NFAM1: variants seen among roughly 807,000 people sequenced by gnomAD.
NFAM1 encodes NFAT activating protein with ITAM motif 1.
A neutral mutation model predicts 29.0 loss-of-function variants in NFAM1; 17 were observed. The ratio of observed to expected loss-of-function variants is 0.59; its 90% confidence interval spans 0.40 to 0.88. NFAM1 has a LOEUF of 0.88. NFAM1 is among the 40% of genes least tolerant of loss of function. The pLI, the probability that NFAM1 is intolerant of heterozygous loss-of-function variation, is 0.00. For missense variants in NFAM1, 324 were observed against 344.6 expected (o/e 0.94, Z 0.47); for synonymous variants, 175 against 147.2 (o/e 1.19, Z -1.36).
chr22:42,396,028 C>A (rs975460549), intron 4 of NFAM1, among the ~76,000 whole-genome samples: 1 of 152,124 alleles, frequency 6.6e-6, no homozygotes, highest in African/African-American at 2.4e-5. Context: ...AGTAGGTACA[C>A]AACAAATGGC....
At position 42,385,195 on chromosome 22, in the gene NFAM1, T is replaced by A; in HGVS notation, c.779A>T (p.Asp260Val). Residue 260 changes from aspartate to valine, a missense_variant, in exon 6 of 6, where the codon GAT becomes GTT. Coordinates refer to ENST00000329021, the MANE Select transcript of NFAM1 (RefSeq NM_145912.8). ...TTCATAGACCAGGTTAAGTTCGCCA[T>A]CATCTTCGAATCTATGCGGTCTCTC... ...SQERPHRFED[D>V]GELNLVYENL The A allele has an allele frequency of 6.2e-7, 1 of 1,612,738 alleles. No individual in the cohort carries two copies.
At chr22:42,386,396 A>AACACACACAC (rs59742194) in intron 5 of NFAM1, among the ~76,000 whole-genome samples, 2 of 125,290 alleles carry the variant, frequency 1.6e-5, no homozygotes, top group East Asian at 2.1e-4. Flanking sequence ...AAAACAAACA[A>AACACACACAC]ACACACACAC....
intron 4 of NFAM1, among the ~76,000 whole-genome samples, chr22:42,395,455 G>A (rs1332856069): frequency 6.6e-6 from 1 of 150,744 alleles, no homozygotes. Flanking sequence ...CAGCCTGGGC[G>A]ACAAAAGCAA....
At chr22:42,400,581 C>T (rs5996155) in intron 3 of NFAM1, among the ~76,000 whole-genome samples, 11 of 152,344 alleles carry the variant, frequency 7.2e-5, no homozygotes, top group African/African-American at 2.6e-4. Context: ...TGCACCATTG[C>T]ACTCCAGCCT....
At chr22:42,410,290 C>T (rs1930038543) in intron 2 of NFAM1, 1 of 260,530 alleles carries the variant, frequency 3.8e-6, no homozygotes, top group Non-Finnish European at 7.8e-6. Context: ...CAGGGGATCG[C>T]AGAGGTAGGT....
At chr22:42,433,365 A>G (rs1049045522), upstream of NFAM1, among the ~76,000 whole-genome samples, 1 of 152,124 alleles carries the variant, frequency 6.6e-6, no homozygotes, top group Non-Finnish European at 1.5e-5. Context: ...CCCTTCACTC[A>G]CCAGATAAAT....
rs896219918 is a variant in NFAM1 at position 42,382,446 on chromosome 22, C to T, written c.*2715G>A. 1 of 152,074 alleles carries T rather than the reference C, an allele frequency of 6.6e-6. No homozygotes were observed. The highest frequency in any genetic ancestry group is 2.4e-5 in the African/African-American group (1 of 41,382). The allele number at this position is 152,074 out of a possible 1,614,324, so 9.4% of individuals were successfully genotyped here. On this transcript the variant is annotated 3_prime_UTR_variant, in exon 6 of 6. Transcript: ENST00000329021. The stretch of plus-strand genomic sequence containing the variant: ...GGCTGTGGGAGGTGGAGCAGGGATT[C>T]AAGGGAGGCCCTGAGGCCACCCAGC...
At chr22:42,391,139 G>A (rs1175898398) in intron 4 of NFAM1, among the ~76,000 whole-genome samples, 1 of 152,134 alleles carries the variant, frequency 6.6e-6, no homozygotes, top group Non-Finnish European at 1.5e-5. Flanking sequence ...TCCTTCCCTT[G>A]GGATCAGACC....
At chr22:42,410,407 C>A in intron 2 of NFAM1, 4 of 376,744 alleles carry the variant, frequency 1.1e-5, no homozygotes, top group Non-Finnish European at 2.1e-5. Flanking sequence ...TGCCTGTAAT[C>A]CCAACACTCT....
intron 3 of NFAM1, among the ~76,000 whole-genome samples, chr22:42,404,567 G>T (rs1211205802): frequency 6.6e-6 from 1 of 152,098 alleles, no homozygotes; most frequent in African/African-American, 2.4e-5. Flanking sequence ...GAGGGTGTGT[G>T]GGCAGCAGAA....
chr22:42,411,693 G>A lies in NFAM1; in HGVS notation c.165C>T (p.Ser55=), dbSNP rs141513389. Reference sequence around the variant, plus strand: ...TGAAGGAGATAGCTGTGTTGGCCAGGGAGGCCATGATGGGCAGGCCGGTGT... The same window carrying A: ...TGAAGGAGATAGCTGTGTTGGCCAGAGAGGCCATGATGGGCAGGCCGGTGT... ...VTHTGLPIMA[S]LANTAISFSC... The change falls in exon 2 of 6, where the codon TCC becomes TCT. Residue 55 remains serine, a synonymous_variant. Coordinates refer to ENST00000329021, the MANE Select transcript of NFAM1 (RefSeq NM_145912.8). 1.8e-5 allele frequency: 29 copies of A among 1,614,100 alleles called. No individual in the cohort carries two copies. The highest frequency in any genetic ancestry group is 3.3e-5 in the Admixed American group (2 of 60,022).
chr22:42,422,531 G>C (rs576425512), intron 1 of NFAM1, among the ~76,000 whole-genome samples: 113 of 152,234 alleles, frequency 7.4e-4, no homozygotes, highest in African/African-American at 1.9e-3. Context: ...CTTGAACCCG[G>C]GAGGTGGAGG....
In NFAM1 at chr22:42,409,318, G is replaced by C. The variant is rs2147106744; in HGVS notation, c.564+117C>G. On this transcript the variant is annotated intron_variant, in intron 3 of 5. Coordinates refer to ENST00000329021, the MANE Select transcript of NFAM1 (RefSeq NM_145912.8). The surrounding 1 kb of genome is among the most constrained non-coding windows in gnomAD (Gnocchi z 4.9). Reference sequence around the variant, plus strand: ...GTGCAAGGGGCCACGAGGGCCACCTGTTACAGATGTGGATGTGCCCTCACC... The same window carrying C: ...GTGCAAGGGGCCACGAGGGCCACCTCTTACAGATGTGGATGTGCCCTCACC... 1.9e-6 allele frequency: 1 copy of C among 514,070 alleles called. No homozygotes were observed. Among genetic ancestry groups the C allele is most frequent in the East Asian group, 3.1e-5 (1 of 32,064 alleles). The allele number at this position is 514,070 out of a possible 1,614,324, so 31.8% of individuals were successfully genotyped here.
chr22:42,432,613 C>T (rs1930848726), upstream of NFAM1, among the ~76,000 whole-genome samples: 1 of 152,206 alleles, frequency 6.6e-6, no homozygotes, highest in African/African-American at 2.4e-5. Context: ...TGGTGGGCTT[C>T]ACCCTGTCTC....
In NFAM1 at chr22:42,409,697, T is replaced by C; in HGVS notation, c.452-150A>G. 1 of 413,542 alleles carries C rather than the reference T, an allele frequency of 2.4e-6. No individual in the cohort carries two copies. 25.6% of individuals were successfully genotyped at this position (413,542 alleles called of 1,614,324 possible). A position where few individuals can be genotyped will look rare whatever the true frequency, so the allele number is the denominator to read the frequency against. On this transcript the variant is annotated intron_variant, in intron 2 of 5. Coordinates refer to ENST00000329021, the MANE Select transcript of NFAM1 (RefSeq NM_145912.8). This position sits in a 1 kb window ranked among gnomAD's most constrained non-coding sequence, Gnocchi z 4.9. ...CCACTAGGCCCCCTGGGAGCCAGGG[T>C]TCGGGCCTTCATTGTCCCCTCACTC...
At position 42,419,641 on chromosome 22, in the gene NFAM1, C is replaced by T. The variant is rs147530546; in HGVS notation, c.122-7905G>A. Among the ~76,000 whole-genome samples the T allele has an allele frequency of 5.1e-4, 78 of 152,342 alleles. No homozygotes were observed. Among genetic ancestry groups the T allele is most frequent in the African/African-American group, 1.7e-3 (69 of 41,576 alleles). On this transcript the variant is annotated intron_variant, in intron 1 of 5. Coordinates refer to ENST00000329021, the MANE Select transcript of NFAM1 (RefSeq NM_145912.8). This position sits in a 1 kb window ranked among gnomAD's most constrained non-coding sequence, Gnocchi z 4.5. ...TCTGGCCCTCACTCGCCCACTCCTG[C>T]GTAGACGTCAGCCTGCCACACTCCG...
At chr22:42,428,073 G>A (rs1489111791) in intron 1 of NFAM1, among the ~76,000 whole-genome samples, 1 of 152,230 alleles carries the variant, frequency 6.6e-6, no homozygotes, top group African/African-American at 2.4e-5. Flanking sequence ...GACAGGACCC[G>A]CTGGGAGTGT....
At chr22:42,414,641 G>A (rs774706051) in intron 1 of NFAM1, among the ~76,000 whole-genome samples, 2 of 151,608 alleles carry the variant, frequency 1.3e-5, no homozygotes, top group South Asian at 2.1e-4. Flanking sequence ...CACCGACCCT[G>A]CCCAGCAGCC....
chr22:42,425,494 C>A (rs1002113467), intron 1 of NFAM1, among the ~76,000 whole-genome samples: 1 of 151,946 alleles, frequency 6.6e-6, no homozygotes, highest in African/African-American at 2.4e-5. Flanking sequence ...TCCAGGCCTC[C>A]ATCCTTCCCT....
Sources: allele counts gnomAD v4.1 joint callset (sites outside exome capture counted in the v4.1 genomes callset), GRCh38; gene constraint gnomAD v4.1.1; non-coding constraint Gnocchi (gnomAD v3.1); transcripts MANE v1.5; gene names NCBI Gene and HGNC (gene_info 2026-07-23, HGNC 2026-07-21).